Variants in PACRG observed in about 807,000 individuals in gnomAD.
PACRG encodes the protein parkin coregulated gene protein.
A neutral mutation model predicts 29.7 loss-of-function variants in PACRG; 29 were observed. The ratio of observed to expected loss-of-function variants is 0.98; its 90% CI spans 0.73 to 1.33. PACRG has a LOEUF of 1.33. Among genes scored for constraint, PACRG ranks in the 40% most tolerant of loss-of-function variants. The pLI is 0.00. For missense variants in PACRG, 279 were observed against 316.2 expected, an observed-to-expected ratio of 0.88 and a Z score of 0.89; for synonymous variants, 116 against 118.7, an observed-to-expected ratio of 0.98 and a Z score of 0.15.
At chr6:163,304,614 T>C (rs752360216) in intron 4 of PACRG, among the ~76,000 whole-genome samples, 2 of 152,180 alleles carry the variant, frequency 1.3e-5, no homozygotes, top group Non-Finnish European at 2.9e-5. Flanking sequence ...AGAAAGATGA[T>C]GTGGATGCAA....
At chr6:162,772,074 C>T (rs745368115) in intron 1 of PACRG, among the ~76,000 whole-genome samples, 1 of 152,064 alleles carries the variant, frequency 6.6e-6, no homozygotes, top group Non-Finnish European at 1.5e-5. Context: ...GATGGAAGGG[C>T]ATGTGCAAAG....
chr6:162,866,065 T>C (rs1792274106), intron 2 of PACRG, among the ~76,000 whole-genome samples: 1 of 152,172 alleles, frequency 6.6e-6, no homozygotes, highest in African/African-American at 2.4e-5. Context: ...GTTGAGAATA[T>C]TTTCAGCAAT....
At chr6:163,116,110 T>C (rs903544794) in intron 4 of PACRG, among the ~76,000 whole-genome samples, 1 of 152,156 alleles carries the variant, frequency 6.6e-6, no homozygotes, top group Non-Finnish European at 1.5e-5. Flanking sequence ...CTGTGTAATT[T>C]ATAAAGAAAC....
At chr6:163,085,949 A>G (rs1336266035) in intron 3 of PACRG, among the ~76,000 whole-genome samples, 2 of 152,228 alleles carry the variant, frequency 1.3e-5, no homozygotes, top group East Asian at 1.9e-4. Context: ...CACTCTCAAT[A>G]GACATTTGGT....
chr6:162,774,323 A>G (rs369102889), intron 1 of PACRG, among the ~76,000 whole-genome samples: 30 of 152,346 alleles, frequency 2.0e-4, no homozygotes, highest in African/African-American at 6.7e-4. Flanking sequence ...GGGAAAATCA[A>G]CTTAGTAGGG....
intron 2 of PACRG, among the ~76,000 whole-genome samples, chr6:162,875,372 TACAC>T (rs1562688054): frequency 6.6e-6 from 1 of 151,006 alleles, no homozygotes. Context: ...CACACATTCA[TACAC>T]AGACATTCAC....
At chr6:162,985,668 C>A (rs1464668470) in intron 2 of PACRG, among the ~76,000 whole-genome samples, 2 of 152,066 alleles carry the variant, frequency 1.3e-5, no homozygotes, top group Non-Finnish European at 2.9e-5. Context: ...TCCACTTTCA[C>A]CACTGCTATT....
At chr6:163,278,957 C>T (rs143295583) in intron 4 of PACRG, among the ~76,000 whole-genome samples, 1,704 of 152,196 alleles carry the variant, frequency 0.011, 34 homozygotes, top group African/African-American at 0.039. Context: ...ATTCTACCCA[C>T]CCATGAGCAT....
intron 2 of PACRG, among the ~76,000 whole-genome samples, chr6:162,929,738 T>C (rs927575919): frequency 4.6e-5 from 7 of 151,944 alleles, no homozygotes; most frequent in Non-Finnish European, 1.0e-4. Context: ...TCTAATCCAT[T>C]TTTATTTGAT....
chr6:162,914,609 A>AC (rs1246626308), intron 2 of PACRG, among the ~76,000 whole-genome samples: 3 of 150,706 alleles, frequency 2.0e-5, no homozygotes, highest in Non-Finnish European at 4.4e-5. Context: ...CCAAAAAAAA[A>AC]AAAACCTGCT....
intron 2 of PACRG, among the ~76,000 whole-genome samples, chr6:162,903,265 A>G (rs1474766958): frequency 1.6e-4 from 24 of 152,156 alleles, no homozygotes; most frequent in Admixed American, 1.4e-3. Flanking sequence ...AGCTTCAGGA[A>G]AGGAGGATGG....
intron 2 of PACRG, among the ~76,000 whole-genome samples, chr6:162,986,316 A>G (rs866737591): frequency 6.6e-6 from 1 of 152,190 alleles, no homozygotes; most frequent in Admixed American, 6.6e-5. Context: ...AAACTATACT[A>G]TAAGGCCATA....
At chr6:162,878,810 G>A (rs979503351) in intron 2 of PACRG, among the ~76,000 whole-genome samples, 1 of 151,906 alleles carries the variant, frequency 6.6e-6, no homozygotes, top group Admixed American at 6.5e-5. Flanking sequence ...TAAGATGAAT[G>A]TATATGCATA....
intron 4 of PACRG, among the ~76,000 whole-genome samples, chr6:163,249,015 CA>C (rs57866351): frequency 5.0e-3 from 542 of 107,462 alleles, no homozygotes; most frequent in African/African-American, 0.016. Context: ...GACTCTGTCT[CA>C]AAAAAAAAAA....
intron 2 of PACRG, among the ~76,000 whole-genome samples, chr6:162,918,162 G>A (rs1796824893): frequency 6.6e-6 from 1 of 152,008 alleles, no homozygotes; most frequent in South Asian, 2.1e-4. Flanking sequence ...AATTGTCAGA[G>A]GTAATATCTA....
chr6:162,871,981 A>G (rs1183083167), intron 2 of PACRG, among the ~76,000 whole-genome samples: 2 of 152,236 alleles, frequency 1.3e-5, no homozygotes, highest in East Asian at 1.9e-4. Context: ...TCTCAATAGA[A>G]TATTTTAAAT....
intron 4 of PACRG, among the ~76,000 whole-genome samples, chr6:163,272,307 G>A (rs1783861543): frequency 2.0e-5 from 3 of 152,072 alleles, no homozygotes; most frequent in Admixed American, 1.3e-4. Flanking sequence ...AAAGTGCTGG[G>A]ATTACAGGCG....
chr6:162,787,590 A>C lies in PACRG; in HGVS notation c.157-26557A>C, dbSNP rs1315525194. On this transcript the variant is annotated intron_variant, in intron 1 of 4. Transcript: ENST00000366888. ...TGTGTGTGTGTGTGTGTGTATATATATATATATATATATATATATATATAT... is the reference window on the plus strand; with the variant it reads ...TGTGTGTGTGTGTGTGTGTATATATCTATATATATATATATATATATATAT... Among the ~76,000 whole-genome samples the C allele has an allele frequency of 8.7e-4, 101 of 115,934 alleles. 4 individuals carry two copies. The highest frequency in any genetic ancestry group is 1.2e-3 in the Non-Finnish European group (67 of 54,256). 76.1% of individuals were successfully genotyped at this position (115,934 alleles called of 152,430 possible).
intron 4 of PACRG, among the ~76,000 whole-genome samples, chr6:163,278,405 G>T (rs1309672237): frequency 6.6e-6 from 1 of 152,082 alleles, no homozygotes; most frequent in Non-Finnish European, 1.5e-5. Context: ...TGAAGTCTTT[G>T]TCTAAGTCAA....
Sources: gnomAD v4.1 joint callset for allele counts (sites outside exome capture counted in the v4.1 genomes callset) on GRCh38, gnomAD v4.1.1 for gene constraint, MANE v1.5 for transcripts, NCBI Gene and HGNC (gene_info 2026-07-23, HGNC 2026-07-21) for gene names.